NTM: variants seen among roughly 807,000 people sequenced by gnomAD.
NTM encodes IgLON family member 2.
In NTM, 13 loss-of-function variants were observed where a neutral mutation model predicts 42.1. That is an observed-to-expected ratio of 0.31 (90% CI 0.20 to 0.49). The LOEUF is 0.49. Among genes scored for constraint, NTM ranks in the 20% least tolerant of loss-of-function variants. NTM has a pLI of 0.99. For missense variants in NTM, 373 were observed against 452.8 expected, an observed-to-expected ratio of 0.82 and a Z score of 1.60; for synonymous variants, 187 against 179.2, an observed-to-expected ratio of 1.04 and a Z score of -0.35.
intron 1 of NTM, among the ~76,000 whole-genome samples, chr11:131,597,162 G>C (rs538004677): frequency 6.6e-6 from 1 of 152,240 alleles, no homozygotes; most frequent in South Asian, 2.1e-4. Flanking sequence ...TCAATACTTT[G>C]TATCCTTTAA....
intron 1 of NTM, among the ~76,000 whole-genome samples, chr11:131,542,004 C>T (rs2053331432): frequency 6.6e-6 from 1 of 152,228 alleles, no homozygotes; most frequent in African/African-American, 2.4e-5. Flanking sequence ...GTGCAGCTTC[C>T]AGAAGACTGT....
At chr11:131,646,109 G>A (rs1191939006) in intron 1 of NTM, among the ~76,000 whole-genome samples, 5 of 152,332 alleles carry the variant, frequency 3.3e-5, no homozygotes, top group East Asian at 1.9e-4. Context: ...GGGCAAATAC[G>A]CAATTGATCA....
intron 1 of NTM, among the ~76,000 whole-genome samples, chr11:131,429,286 A>C (rs1345624664): frequency 6.6e-6 from 1 of 152,184 alleles, no homozygotes; most frequent in Non-Finnish European, 1.5e-5. Context: ...TTCAAAGAGC[A>C]TAGGAGAAAT....
chr11:131,565,934 A>G (rs1459639030), intron 1 of NTM, among the ~76,000 whole-genome samples: 1 of 152,184 alleles, frequency 6.6e-6, no homozygotes, highest in Non-Finnish European at 1.5e-5. Context: ...TTTCTGTTCT[A>G]CCTGAAGTCC....
intron 2 of NTM, among the ~76,000 whole-genome samples, chr11:131,949,510 T>A (rs1037290925): frequency 6.6e-6 from 1 of 152,174 alleles, no homozygotes; most frequent in Non-Finnish European, 1.5e-5. Context: ...AAAAGCAATC[T>A]CAGTTGAGTT....
chr11:131,531,996 C>G (rs2051346817), intron 1 of NTM, among the ~76,000 whole-genome samples: 1 of 152,192 alleles, frequency 6.6e-6, no homozygotes, highest in African/African-American at 2.4e-5. Flanking sequence ...CCTGCAAGAT[C>G]TGCTGCCTTC....
chr11:131,684,473 T>A lies in NTM; in HGVS notation c.83-227091T>A, dbSNP rs984521728. Among the ~76,000 whole-genome samples the A allele has an allele frequency of 3.3e-5, 5 of 152,330 alleles. No individual in the cohort carries two copies. The East Asian group carries it at 9.7e-4, about 29-fold the overall frequency. ...CTGAGCTGCTGGCAGCATCCCCTGG[T>A]GCCCTCCCCAGCCTGCAGCTTCCAG... On this transcript the variant is annotated intron_variant, in intron 1 of 8. Transcript: ENST00000683400.
At chr11:131,450,088 C>T (rs1036452018) in intron 1 of NTM, among the ~76,000 whole-genome samples, 1 of 152,222 alleles carries the variant, frequency 6.6e-6, no homozygotes, top group African/African-American at 2.4e-5. Flanking sequence ...CTGCAGGTCC[C>T]TGCAGGTAGG....
At chr11:131,383,636 C>T (rs1225686506) in intron 1 of NTM, among the ~76,000 whole-genome samples, 1 of 152,028 alleles carries the variant, frequency 6.6e-6, no homozygotes, top group African/African-American at 2.4e-5. Flanking sequence ...GGTGGAAAGA[C>T]AAGAGGTATA....
At chr11:132,124,214 G>T (rs905916901) in intron 2 of NTM, among the ~76,000 whole-genome samples, 1 of 152,036 alleles carries the variant, frequency 6.6e-6, no homozygotes, top group Non-Finnish European at 1.5e-5. Flanking sequence ...CCGGATCTTC[G>T]ATCGGGCCAT....
At chr11:131,379,905 TAGCCCAGCATATTAG>T (rs1942434939) in intron 1 of NTM, among the ~76,000 whole-genome samples, 1 of 152,184 alleles carries the variant, frequency 6.6e-6, no homozygotes, top group Non-Finnish European at 1.5e-5. Context: ...TATGTCCTGG[TAGCCCAGCATATTAG>T]AGCCCAGCAT....
At chr11:132,240,092 T>TCCAC (rs1214365239) in intron 4 of NTM, among the ~76,000 whole-genome samples, 8 of 151,856 alleles carry the variant, frequency 5.3e-5, no homozygotes, top group Non-Finnish European at 8.8e-5. Flanking sequence ...CATCCATCCA[T>TCCAC]CCACAAACAT....
Position 132,029,879 on chromosome 11 carries a change from C to A in NTM, c.168-116403C>A, listed in dbSNP as rs975207410. Among the ~76,000 whole-genome samples the A allele has an allele frequency of 4.0e-4, 61 of 152,230 alleles. 1 individual carries two copies. The highest frequency in any genetic ancestry group is 3.9e-3 in the Admixed American group (59 of 15,296). On this transcript the variant is annotated intron_variant, in intron 2 of 8. Transcript: ENST00000683400. ...AATTATCAGGACCTTCATTACCAGTCCTCGTGTTTACATAGGGCAGGCTTA... is the reference window on the plus strand; with the variant it reads ...AATTATCAGGACCTTCATTACCAGTACTCGTGTTTACATAGGGCAGGCTTA...
intron 2 of NTM, among the ~76,000 whole-genome samples, chr11:132,062,292 G>T (rs965719951): frequency 1.3e-5 from 2 of 152,118 alleles, no homozygotes; most frequent in Non-Finnish European, 1.5e-5. Flanking sequence ...GGAAAGTGAG[G>T]GGGCTAATCA....
intron 1 of NTM, among the ~76,000 whole-genome samples, chr11:131,638,803 G>T (rs1009320355): frequency 1.2e-4 from 18 of 151,022 alleles, no homozygotes; most frequent in African/African-American, 2.9e-4. Context: ...GGTATTTTTG[G>T]TTTGTTTTGT....
chr11:131,586,696 G>T (rs138464250), intron 1 of NTM, among the ~76,000 whole-genome samples: 1 of 152,112 alleles, frequency 6.6e-6, no homozygotes, highest in South Asian at 2.1e-4. Context: ...AGGCTGCTTT[G>T]TTTGTTACAC....
At chr11:131,959,559 C>G (rs1402132308) in intron 2 of NTM, among the ~76,000 whole-genome samples, 1 of 152,110 alleles carries the variant, frequency 6.6e-6, no homozygotes, top group Non-Finnish European at 1.5e-5. Context: ...TCACTTGATC[C>G]CAGGAGTTCT....
In NTM at chr11:131,559,488, A is replaced by T. The variant is rs117487199; in HGVS notation, c.82+188600A>T. ...GAAAAGCTAGGTATATTCACCACACAGTCTCAAATTTGTTAGATAAAATTC... is the reference window on the plus strand; with the variant it reads ...GAAAAGCTAGGTATATTCACCACACTGTCTCAAATTTGTTAGATAAAATTC... On this transcript the variant is annotated intron_variant, in intron 1 of 8. Transcript: ENST00000683400. 1.1e-4 allele frequency among the ~76,000 whole-genome samples: 17 copies of T among 152,300 alleles called. No homozygotes were observed. In the East Asian group the frequency reaches 2.7e-3, roughly 24 times the overall value.
chr11:131,586,304 T>G (rs377552580), intron 1 of NTM, among the ~76,000 whole-genome samples: 81 of 152,162 alleles, frequency 5.3e-4, no homozygotes, highest in African/African-American at 1.9e-3. Context: ...CCTCCTTGAG[T>G]ATGGGTTATG....
Sources: gnomAD v4.1 joint callset for allele counts (sites outside exome capture counted in the v4.1 genomes callset) on GRCh38, gnomAD v4.1.1 for gene constraint, MANE v1.5 for transcripts, NCBI Gene and HGNC (gene_info 2026-07-23, HGNC 2026-07-21) for gene names.